The following KIAA1143 variants were observed in gnomAD, a reference collection of about 807,000 sequenced individuals.
KIAA1143 encodes KIAA1143, also known as uncharacterized protein KIAA1143.
A neutral mutation model predicts 17.0 loss-of-function variants in KIAA1143; 8 were observed. The ratio of observed to expected loss-of-function variants is 0.47; its 90% CI spans 0.28 to 0.85. The LOEUF (loss-of-function observed/expected upper bound fraction) is 0.85, where lower values mean the gene tolerates loss of function less well. Among genes scored for constraint, KIAA1143 ranks in the 40% least tolerant of loss-of-function variants. The pLI is 0.12. For synonymous variants in KIAA1143, 64 were observed against 67.8 expected (o/e 0.94, Z 0.27); for missense variants, 162 against 183.3 (o/e 0.88, Z 0.67).
chr3:44,755,151 A>G (rs559597175), intron 1 of KIAA1143, among the ~76,000 whole-genome samples: 2 of 152,314 alleles, frequency 1.3e-5, no homozygotes, highest in East Asian at 3.9e-4. Flanking sequence ...CTGATTTTTA[A>G]AAAATCACTG....
At chr3:44,759,894 C>CAAAAAAAAAAAAA (rs527806223) in intron 1 of KIAA1143, among the ~76,000 whole-genome samples, 7,734 of 50,676 alleles carry the variant, frequency 0.15, 1,799 homozygotes, top group East Asian at 0.4. Context: ...GACCCTATCT[C>CAAAAAAAAAAAAA]AAAAAAAAAA....
chr3:44,756,898 G>A (rs1001014935), intron 1 of KIAA1143, among the ~76,000 whole-genome samples: 3 of 152,050 alleles, frequency 2.0e-5, no homozygotes, highest in Non-Finnish European at 2.9e-5. Context: ...TATATGTATG[G>A]GAAAAAACAT....
intron 1 of KIAA1143, among the ~76,000 whole-genome samples, chr3:44,758,194 T>C (rs1705003925): frequency 6.6e-6 from 1 of 152,188 alleles, no homozygotes; most frequent in Admixed American, 6.5e-5. Context: ...CAGTGAAGGG[T>C]CTGCCCTTGA....
Position 44,750,162 on chromosome 3 carries a change from C to T in KIAA1143, c.*3179G>A, listed in dbSNP as rs1350572529. The T allele has an allele frequency of 1.3e-5, 2 of 152,144 alleles. No homozygotes were observed. The highest frequency in any genetic ancestry group is 2.9e-5 in the Non-Finnish European group (2 of 68,032). 9.4% of individuals were successfully genotyped at this position (152,144 alleles called of 1,614,324 possible). On this transcript the variant is annotated 3_prime_UTR_variant, in exon 3 of 3. Coordinates refer to ENST00000296121, the MANE Select transcript of KIAA1143 (RefSeq NM_020696.4). ...AAAAATTGATAAATTACATAACTTACAAATTAGTAAGAAAGATATGACCAT... is the reference window on the plus strand; with the variant it reads ...AAAAATTGATAAATTACATAACTTATAAATTAGTAAGAAAGATATGACCAT...
chr3:44,761,381 T>A, intron 1 of KIAA1143, 114 bp downstream of exon 1: 1 of 749,346 alleles, frequency 1.3e-6, no homozygotes, highest in East Asian at 2.7e-5. Flanking sequence ...CGGAATTGGG[T>A]TCGAGCGCGG....
At position 44,754,515 on chromosome 3, in the gene KIAA1143, A is replaced by C. The variant is rs1026598096; in HGVS notation, c.109-147T>G. ...TGAATTTTAAGGTAACTCCAAAGAG[A>C]CTTAGCTTGCCACACAAGGGAACAG... On this transcript the variant is annotated intron_variant, in intron 1 of 2. Transcript: ENST00000296121. 7 of 755,752 alleles carry C rather than the reference A, an allele frequency of 9.3e-6. No homozygotes were observed. In the Admixed American group the frequency reaches 2.0e-4, roughly 21 times the overall value. 46.8% of individuals were successfully genotyped at this position (755,752 alleles called of 1,614,324 possible).
chr3:44,755,547 G>C (rs1282969604), intron 1 of KIAA1143, among the ~76,000 whole-genome samples: 1 of 152,136 alleles, frequency 6.6e-6, no homozygotes, highest in African/African-American at 2.4e-5. Flanking sequence ...GGCAAGGTTT[G>C]AGTACTTGGA....
intron 1 of KIAA1143, among the ~76,000 whole-genome samples, chr3:44,759,056 G>A (rs1352515408): frequency 1.3e-5 from 2 of 152,034 alleles, no homozygotes; most frequent in African/African-American, 4.8e-5. Context: ...TAGAGATGGG[G>A]TCTCACCATG....
Position 44,754,185 on chromosome 3 carries a change from C to T in KIAA1143, c.253+39G>A, listed in dbSNP as rs771932152. On this transcript the variant is annotated intron_variant, in intron 2 of 2. Coordinates refer to ENST00000296121, the MANE Select transcript of KIAA1143 (RefSeq NM_020696.4). ...ATAAACAATTTCATACCCTGGGCTC[C>T]TTAAATTGTTAGAAAAACCAGATTA... is the stretch of plus-strand genomic sequence containing the variant. 1.9e-6 allele frequency: 3 copies of T among 1,603,836 alleles called. No individual in the cohort carries two copies. The Admixed American group carries it at 5.1e-5, about 27-fold the overall frequency.
chr3:44,759,685 G>A (rs1045569334), intron 1 of KIAA1143, among the ~76,000 whole-genome samples: 1 of 151,964 alleles, frequency 6.6e-6, no homozygotes, highest in Admixed American at 6.6e-5. Context: ...CTTGAGTCCA[G>A]GAGTTTGAGA....
At chr3:44,758,476 T>C (rs1356422209) in intron 1 of KIAA1143, among the ~76,000 whole-genome samples, 1 of 152,236 alleles carries the variant, frequency 6.6e-6, no homozygotes, top group Non-Finnish European at 1.5e-5. Flanking sequence ...TCACAGCATC[T>C]TCACCAGAAG....
At position 44,754,867 on chromosome 3, in the gene KIAA1143, G is replaced by A. The variant is rs143765431; in HGVS notation, c.109-499C>T. 1.3e-4 allele frequency among the ~76,000 whole-genome samples: 20 copies of A among 152,230 alleles called. No homozygotes were observed. The East Asian group carries it at 3.7e-3, about 28-fold the overall frequency. On this transcript the variant is annotated intron_variant, in intron 1 of 2. Coordinates refer to ENST00000296121, the MANE Select transcript of KIAA1143 (RefSeq NM_020696.4). The stretch of plus-strand genomic sequence containing the variant: ...GGATATTCTATCAGCTATTTTCCAC[G>A]TCTATACAACTATGTAGGTACATAA...
intron 1 of KIAA1143, among the ~76,000 whole-genome samples, chr3:44,758,060 GGGA>G (rs2125880675): frequency 6.6e-6 from 1 of 152,340 alleles, no homozygotes; most frequent in Non-Finnish European, 1.5e-5. Context: ...CACGATTCAT[GGGA>G]GGAGGCAAAA....
chr3:44,756,097 A>G (rs1025639732), intron 1 of KIAA1143, among the ~76,000 whole-genome samples: 3 of 152,276 alleles, frequency 2.0e-5, no homozygotes, highest in African/African-American at 7.2e-5. Flanking sequence ...AATATGGGAA[A>G]GTGAAATAAA....
At chr3:44,759,081 C>T (rs1460288657) in intron 1 of KIAA1143, among the ~76,000 whole-genome samples, 2 of 152,134 alleles carry the variant, frequency 1.3e-5, no homozygotes, top group African/African-American at 4.8e-5. Flanking sequence ...CCAGGCTGGT[C>T]TTGAACTCCT....
At position 44,761,532 on chromosome 3, in the gene KIAA1143, C is replaced by A. The variant is rs769171514; in HGVS notation, c.71G>T (p.Arg24Leu). 6.2e-7 allele frequency: 1 copy of A among 1,614,066 alleles called. No homozygotes were observed. Among genetic ancestry groups the A allele is most frequent in the African/African-American group, 1.3e-5 (1 of 74,938 alleles). The change falls in exon 1 of 3, where the codon CGG (arginine) becomes CTG (leucine). Residue 24 changes from arginine (R) to leucine (L), a missense_variant. By Grantham distance (102) the Arg-to-Leu change is moderately radical. Transcript: ENST00000296121. ...GGTGGGTCCCTCCCTGTAGCCGACC[C>A]GTTCCTTGAAGCGGGCCAGAAACGC... is the stretch of plus-strand genomic sequence containing the variant. ...EPAFLARFKERVGYREGPTVE... is the reference protein window; with the variant it reads ...EPAFLARFKELVGYREGPTVE...
intron 1 of KIAA1143, 117 bp from the exon 2 acceptor site, chr3:44,754,485 G>T: frequency 1.0e-6 from 1 of 973,554 alleles, no homozygotes; most frequent in Non-Finnish European, 1.5e-6. Flanking sequence ...AGTAAATAAG[G>T]GCAATGAATT....
At chr3:44,758,804 AT>A (rs1379638698) in intron 1 of KIAA1143, among the ~76,000 whole-genome samples, 2 of 151,984 alleles carry the variant, frequency 1.3e-5, no homozygotes, top group Non-Finnish European at 2.9e-5. Context: ...AATTTACAAT[AT>A]CCAGATGCAT....
At position 44,752,538 on chromosome 3, in the gene KIAA1143, C is replaced by A. The variant is rs183607682; in HGVS notation, c.*803G>T. ...GCACAGTGTTTATTCTTCTCACTAC[C>A]AAGAAGTCAGAGGTCAGCAATCCAA... On this transcript the variant is annotated 3_prime_UTR_variant, in exon 3 of 3. Coordinates refer to ENST00000296121, the MANE Select transcript of KIAA1143 (RefSeq NM_020696.4). The A allele has an allele frequency of 1.3e-3, 197 of 152,178 alleles. No individual in the cohort carries two copies. The highest frequency in any genetic ancestry group is 4.5e-3 in the African/African-American group (188 of 41,524). The allele number at this position is 152,178 out of a possible 1,614,324, so 9.4% of individuals were successfully genotyped here.
Sources: gnomAD v4.1 joint callset for allele counts (sites outside exome capture counted in the v4.1 genomes callset) on GRCh38, gnomAD v4.1.1 for gene constraint, MANE v1.5 for transcripts, NCBI Gene and HGNC (gene_info 2026-07-23, HGNC 2026-07-21) for gene names.